Variants in ARAP2 observed in about 807,000 individuals in gnomAD.
ARAP2 encodes arf-GAP with Rho-GAP domain, ANK repeat and PH domain-containing protein 2.
ARAP2 carries 148 observed loss-of-function variants against 194.5 expected under a neutral mutation model. That is an observed-to-expected ratio of 0.76 (90% CI 0.67 to 0.87). The LOEUF (loss-of-function observed/expected upper bound fraction) is 0.87, where lower values mean the gene tolerates loss of function less well. Ranked by LOEUF, ARAP2 falls within the 40% of genes least tolerant of loss-of-function variation. The pLI is 0.00. For synonymous variants in ARAP2, 695 were observed against 683.5 expected (o/e 1.02, Z -0.26); for missense variants, 2,128 against 1,989.7 (o/e 1.07, Z -1.32).
chr4:36,148,883 T>C (rs1159445481), intron 16 of ARAP2, among the ~76,000 whole-genome samples: 1 of 152,054 alleles, frequency 6.6e-6, no homozygotes, highest in Non-Finnish European at 1.5e-5. Flanking sequence ...TTTTTAACCC[T>C]CTTCTTTTCT....
chr4:36,012,055 G>A (rs1714675229), intron 9 of ARAP2, among the ~76,000 whole-genome samples: 1 of 151,982 alleles, frequency 6.6e-6, no homozygotes, highest in African/African-American at 2.4e-5. Context: ...TTTCTTTCAT[G>A]GTATGTCATT....
rs1462568119 is a variant in ARAP2, at chr4:36,082,198, C to T, written c.4544+53G>A. 4 of 1,506,362 alleles carry T rather than the reference C, an allele frequency of 2.7e-6. No individual in the cohort carries two copies. The Admixed American group carries it at 5.4e-5, about 21-fold the overall frequency. 93.3% of individuals were successfully genotyped at this position (1,506,362 alleles called of 1,614,324 possible). A position where few individuals can be genotyped will look rare whatever the true frequency, so the allele number is the denominator to read the frequency against. ...CTGCAATTACTGAAATTATTCTTTT[C>T]CTGAAATTGTCACCAATATATTATG... On this transcript the variant is annotated intron_variant, in intron 30 of 32. Coordinates refer to ENST00000303965, the MANE Select transcript of ARAP2 (RefSeq NM_015230.4).
chr4:36,210,476 T>C lies in ARAP2; in HGVS notation c.1401A>G (p.Ser467=). The C allele has an allele frequency of 6.2e-7, 1 of 1,613,946 alleles. No homozygotes were observed. Among genetic ancestry groups the C allele is most frequent in the Non-Finnish European group, 8.5e-7 (1 of 1,179,874 alleles). Reference sequence around the variant, plus strand: ...AGCAGGCATAGGGAGATATTGCCTGTGAAGAAACGGCTGATGAATCAGCAT... The same window carrying C: ...AGCAGGCATAGGGAGATATTGCCTGCGAAGAAACGGCTGATGAATCAGCAT... ...SGNADSSAVS[S]QAISPYACFY... is the part of the protein sequence containing the mutation. Residue 467 remains serine, a synonymous_variant, in exon 6 of 33, where the codon TCA becomes TCG. Coordinates refer to ENST00000303965, the MANE Select transcript of ARAP2 (RefSeq NM_015230.4).
chr4:36,178,024 G>GA lies in ARAP2; in HGVS notation c.1679-20dup. On this transcript the variant is annotated intron_variant, in intron 8 of 32. Transcript: ENST00000303965. ...CTCTCCTCTGAAAATGAAGACAGGA[G>GA]AAAATACATAAATCCACATATAAGT... 1 of 1,569,308 alleles carries GA rather than the reference G, an allele frequency of 6.4e-7. No homozygotes were observed. The highest frequency in any genetic ancestry group is 8.6e-7 in the Non-Finnish European group (1 of 1,160,038).
Position 36,067,945 on chromosome 4 carries a change from G to A in ARAP2, c.5077C>T (p.Leu1693Phe). ...LNVVLQRSRT[L>F]PKELQDEQIL... is the part of the protein sequence containing the mutation. ...TGCTCATCCTGTAATTCTTTTGGAA[G>A]GGTTCTTGACCGTTGTAGAACCACA... Residue 1693 changes from leucine (L) to phenylalanine (F), a missense_variant, in exon 33 of 33, where the codon CTT becomes TTT. Transcript: ENST00000303965. 6.3e-7 allele frequency: 1 copy of A among 1,592,614 alleles called. No homozygotes were observed. The highest frequency in any genetic ancestry group is 8.6e-7 in the Non-Finnish European group (1 of 1,168,466).
chr4:36,142,361 T>C (rs547892728), intron 19 of ARAP2, among the ~76,000 whole-genome samples: 5 of 151,806 alleles, frequency 3.3e-5, no homozygotes, highest in African/African-American at 1.2e-4. Flanking sequence ...GTTTAAGCCA[T>C]CTGAAAACAA....
exon 10 of ARAP2, chr4:36,006,907 G>A (rs569961831): frequency 1.3e-5 from 2 of 152,020 alleles, no homozygotes; most frequent in African/African-American, 4.8e-5. Flanking sequence ...AAGTACCCAG[G>A]TGAGGTGGTG....
intron 9 of ARAP2, among the ~76,000 whole-genome samples, chr4:36,168,356 T>G (rs1735770003): frequency 6.6e-6 from 1 of 152,162 alleles, no homozygotes; most frequent in African/African-American, 2.4e-5. Flanking sequence ...GGACAAATTC[T>G]TAGGCTCTAA....
chr4:36,168,500 G>C (rs1328517741), intron 9 of ARAP2, among the ~76,000 whole-genome samples: 1 of 152,100 alleles, frequency 6.6e-6, no homozygotes, highest in African/African-American at 2.4e-5. Context: ...TTGTCATTTA[G>C]TACTAATGTG....
At chr4:36,034,206 T>C (rs12509013) in intron 5 of ARAP2, among the ~76,000 whole-genome samples, 111,897 of 152,002 alleles carry the variant, frequency 0.74, 42,147 homozygotes, top group Admixed American at 0.85. Context: ...GTAATAGGAA[T>C]AGCATTGAAT....
intron 9 of ARAP2, among the ~76,000 whole-genome samples, chr4:36,172,180 A>G (rs1042321326): frequency 6.6e-6 from 1 of 152,226 alleles, no homozygotes; most frequent in South Asian, 2.1e-4. Context: ...AACAATGGCT[A>G]TGCTTAGCTT....
intron 6 of ARAP2, among the ~76,000 whole-genome samples, chr4:36,203,125 C>T (rs1367316436): frequency 2.6e-5 from 4 of 152,156 alleles, no homozygotes; most frequent in Non-Finnish European, 5.9e-5. Flanking sequence ...TGTCTCTCCA[C>T]CTTCACTCAA....
chr4:36,056,048 C>T (rs1014334910), intron 2 of ARAP2, among the ~76,000 whole-genome samples: 143 of 152,108 alleles, frequency 9.4e-4, no homozygotes, highest in Non-Finnish European at 1.5e-4. Context: ...TTATTAGGTA[C>T]TTGAGTAGCT....
chr4:36,194,295 A>G (rs546764703), intron 6 of ARAP2, among the ~76,000 whole-genome samples: 9 of 152,328 alleles, frequency 5.9e-5, no homozygotes, highest in African/African-American at 1.9e-4. Context: ...TAAAAGAAAA[A>G]ATAAACTATT....
At chr4:36,083,760 C>T (rs1376705111) in intron 28 of ARAP2, among the ~76,000 whole-genome samples, 3 of 152,034 alleles carry the variant, frequency 2.0e-5, no homozygotes, top group South Asian at 2.1e-4. Context: ...TGCATCATGT[C>T]GTGGTTAATA....
chr4:36,015,847 T>C (rs1210372375), intron 7 of ARAP2: 1 of 152,232 alleles, frequency 6.6e-6, no homozygotes, highest in Non-Finnish European at 1.5e-5. Flanking sequence ...TTAGAGATTA[T>C]TGATAGTGTT....
chr4:36,144,183 C>T (rs186412966), intron 19 of ARAP2, among the ~76,000 whole-genome samples: 3 of 151,380 alleles, frequency 2.0e-5, no homozygotes, highest in East Asian at 2.0e-4. Flanking sequence ...TACAAAAATA[C>T]GTTGGTTATA....
chr4:36,167,108 A>G, intron 9 of ARAP2, 61 bp from the exon 10 acceptor site: 1 of 1,012,408 alleles, frequency 9.9e-7, no homozygotes, highest in Non-Finnish European at 1.4e-6. Flanking sequence ...TTGAAAGTAT[A>G]ATTACATTTT....
Position 36,029,671 on chromosome 4 carries a change from T to C in ARAP2, n.608-10385A>G, listed in dbSNP as rs570222102. Among the ~76,000 whole-genome samples the C allele has an allele frequency of 5.3e-5, 8 of 152,158 alleles. No homozygotes were observed. In the South Asian group the frequency reaches 1.7e-3, roughly 32 times the overall value. Reference sequence around the variant, plus strand: ...TATTTTATATATTCTTTTCCCTCTCTGCATGTGTTCTGTTTTATTTTCTTC... The same window carrying C: ...TATTTTATATATTCTTTTCCCTCTCCGCATGTGTTCTGTTTTATTTTCTTC... On this transcript the variant is annotated intron_variant and non_coding_transcript_variant, in intron 5 of 12. Transcript: ENST00000503225.
Sources: gnomAD v4.1 joint callset for allele counts (sites outside exome capture counted in the v4.1 genomes callset) on GRCh38, gnomAD v4.1.1 for gene constraint, MANE v1.5 for transcripts, NCBI Gene and HGNC (gene_info 2026-07-23, HGNC 2026-07-21) for gene names.